TMPRSS9: variants seen among roughly 807,000 people sequenced by gnomAD.
TMPRSS9 encodes transmembrane serine protease 9, also known as transmembrane protease serine 9.
A neutral mutation model predicts 111.4 loss-of-function variants in TMPRSS9; 113 were observed. The ratio of observed to expected loss-of-function variants is 1.01; its 90% CI spans 0.87 to 1.19. The LOEUF is 1.19. Ranked by LOEUF, TMPRSS9 falls within the 50% of genes most tolerant of loss-of-function variation. The pLI, the probability that TMPRSS9 is intolerant of heterozygous loss-of-function variation, is 0.00. For synonymous variants in TMPRSS9, 805 were observed against 659.1 expected, an observed-to-expected ratio of 1.22 and a Z score of -3.39; for missense variants, 1,803 against 1,513.1, an observed-to-expected ratio of 1.19 and a Z score of -3.18.
At chr19:2,382,615 C>T (rs202115012) in intron 1 of TMPRSS9, among the ~76,000 whole-genome samples, 1 of 146,498 alleles carries the variant, frequency 6.8e-6, no homozygotes, top group African/African-American at 2.5e-5. Flanking sequence ...GACACATGCA[C>T]ACACAAATGC....
intron 1 of TMPRSS9, among the ~76,000 whole-genome samples, chr19:2,368,608 G>A (rs981945652): frequency 6.6e-6 from 1 of 152,014 alleles, no homozygotes; most frequent in African/African-American, 2.4e-5. Flanking sequence ...AATAGACCCA[G>A]GGAGGGGAAG....
intron 1 of TMPRSS9, among the ~76,000 whole-genome samples, chr19:2,390,199 A>C (rs1349305687): frequency 6.6e-6 from 1 of 150,780 alleles, no homozygotes. Flanking sequence ...CCTTGTTTTA[A>C]ATTTTGGCAA....
At chr19:2,385,211 GGGCTCGA>G (rs1336832114), upstream of TMPRSS9, among the ~76,000 whole-genome samples, 94 of 128,006 alleles carry the variant, frequency 7.3e-4, 2 homozygotes, top group African/African-American at 3.1e-3. Flanking sequence ...CGAGGGGGCG[GGGCTCGA>G]GGGGGCGGGG....
chr19:2,363,375 CTG>C (rs1763618204), intron 1 of TMPRSS9, among the ~76,000 whole-genome samples: 1 of 152,036 alleles, frequency 6.6e-6, no homozygotes, highest in South Asian at 2.1e-4. Flanking sequence ...CCTGTTGTCA[CTG>C]TGGTTGGTTA....
chr19:2,395,579 G>T (rs1970688532), intron 1 of TMPRSS9, among the ~76,000 whole-genome samples: 1 of 152,138 alleles, frequency 6.6e-6, no homozygotes, highest in African/African-American at 2.4e-5. Flanking sequence ...GGGTATGGTG[G>T]TGCATGCCTG....
chr19:2,413,735 C>T (rs1971151138), exon 10 of TMPRSS9: 2 of 1,613,666 alleles, frequency 1.2e-6, no homozygotes. Flanking sequence ...GCGAGGAGCC[C>T]TCTGGCCGGT....
At position 2,406,870 on chromosome 19, in the gene TMPRSS9, GCT is replaced by G. The variant is rs374730307; in HGVS notation, c.842+1330_842+1331del. 6.0e-5 allele frequency among the ~76,000 whole-genome samples: 9 copies of G among 150,406 alleles called. No homozygotes were observed. The East Asian group carries it at 1.8e-3, about 30-fold the overall frequency. ...GCTGGAGTACAGTGGTGCAGTTTTG[GCT>G]CTCTGTAAGCTCCACCTCCCGGGAT... On this transcript the variant is annotated intron_variant, in intron 7 of 17. Transcript: ENST00000648592.
intron 4 of TMPRSS9, among the ~76,000 whole-genome samples, chr19:2,400,845 G>T (rs1970821779): frequency 6.6e-6 from 1 of 151,360 alleles, no homozygotes; most frequent in East Asian, 1.9e-4. Context: ...ATGGTGGCGG[G>T]CGCCTATAAT....
intron 1 of TMPRSS9, among the ~76,000 whole-genome samples, chr19:2,383,218 G>T (rs1170737214): frequency 6.6e-6 from 1 of 151,866 alleles, no homozygotes; most frequent in Non-Finnish European, 1.5e-5. Context: ...GCCAGGCATG[G>T]TGGCAGGCAC....
intron 4 of TMPRSS9, among the ~76,000 whole-genome samples, chr19:2,400,465 C>T (rs1004757794): frequency 4.6e-5 from 7 of 151,766 alleles, no homozygotes; most frequent in Admixed American, 6.6e-5. Context: ...TTGCTGGAAC[C>T]CAGGAGGCGG....
intron 7 of TMPRSS9, 30 bp from the exon 9 acceptor site, chr19:2,408,326 T>A: frequency 6.2e-7 from 1 of 1,601,476 alleles, no homozygotes; most frequent in African/African-American, 1.3e-5. Flanking sequence ...TGACCCTCGG[T>A]GGCTTCTGAG....
chr19:2,381,165 C>G (rs1416356000), intron 1 of TMPRSS9, among the ~76,000 whole-genome samples: 2 of 151,958 alleles, frequency 1.3e-5, no homozygotes, highest in Non-Finnish European at 2.9e-5. Context: ...AGGCCTGGCC[C>G]ATCGTAAAGG....
At chr19:2,398,760 G>T (rs1970761857) in intron 2 of TMPRSS9, 35 bp from the exon 4 acceptor site, 4 of 1,371,364 alleles carry the variant, frequency 2.9e-6, no homozygotes, top group Non-Finnish European at 3.8e-6. Context: ...CCATGCTGTG[G>T]GTCTCAACAT....
intron 4 of TMPRSS9, among the ~76,000 whole-genome samples, chr19:2,401,080 C>G (rs1011279380): frequency 6.6e-6 from 1 of 150,610 alleles, no homozygotes; most frequent in Non-Finnish European, 1.5e-5. Context: ...CGAGACCATC[C>G]TGGCTAACAC....
At position 2,419,375 on chromosome 19, in the gene TMPRSS9, TG is replaced by T. The variant is rs559263483; in HGVS notation, c.2154+1238del. Among the ~76,000 whole-genome samples the T allele has an allele frequency of 7.8e-4, 117 of 150,600 alleles. 1 individual carries two copies. Among genetic ancestry groups the T allele is most frequent in the African/African-American group, 2.7e-3 (111 of 40,996 alleles). On this transcript the variant is annotated intron_variant, in intron 13 of 17. Coordinates refer to ENST00000648592, the Ensembl canonical transcript of TMPRSS9. ...CCCGCCACCATGCCCAGCTAATTTT[TG>T]TATTTTTAGTAGAGACGGGGTTTCA...
chr19:2,416,375 C>T (rs1971230714), intron 11 of TMPRSS9, 163 bp from the exon 13 acceptor site: 1 of 904,070 alleles, frequency 1.1e-6, no homozygotes, highest in Non-Finnish European at 1.6e-6. Context: ...CCCAGCAGCC[C>T]CTCTTTCCCT....
At chr19:2,414,226 G>C in intron 10 of TMPRSS9, 1 of 539,828 alleles carries the variant, frequency 1.9e-6, no homozygotes, top group Non-Finnish European at 3.2e-6. Flanking sequence ...TAACTATGGC[G>C]ATCTATCAAT....
rs1042486164 is a variant in TMPRSS9, at chr19:2,367,640, T to C, written c.-26+7280T>C. Among the ~76,000 whole-genome samples, 17 of 150,684 alleles carry C rather than the reference T, an allele frequency of 1.1e-4. No individual in the cohort carries two copies. The Admixed American group carries it at 1.1e-3, about 10-fold the overall frequency. On this transcript the variant is annotated intron_variant, in intron 1 of 17. Transcript: ENST00000649857. The stretch of plus-strand genomic sequence containing the variant: ...ATTCAGTGGCACGATCTCAGCTCAC[T>C]GCAAGTTCTGCCTCCCGGGTTGACA...
chr19:2,421,589 ATTG>A (rs1340162167), intron 13 of TMPRSS9, among the ~76,000 whole-genome samples: 1 of 151,844 alleles, frequency 6.6e-6, no homozygotes, highest in African/African-American at 2.4e-5. Context: ...GCCTGGCCTT[ATTG>A]TTATTATTTT....
Sources: gnomAD v4.1 joint callset for allele counts (sites outside exome capture counted in the v4.1 genomes callset) on GRCh38, gnomAD v4.1.1 for gene constraint, MANE v1.5 for transcripts, NCBI Gene and HGNC (gene_info 2026-07-23, HGNC 2026-07-21) for gene names.